DLC1: variants seen among roughly 807,000 people sequenced by gnomAD.
DLC1 encodes the protein rho GTPase-activating protein 7.
In DLC1, 54 loss-of-function variants were observed where a neutral mutation model predicts 140.3. That is an observed-to-expected ratio of 0.38 (90% CI 0.31 to 0.48). The LOEUF (loss-of-function observed/expected upper bound fraction) is 0.48, where lower values mean the gene tolerates loss of function less well. Ranked by LOEUF, DLC1 falls within the 20% of genes least tolerant of loss-of-function variation. The probability of loss-of-function intolerance (pLI) is 0.96; values close to 1 mark genes in which losing one functional copy is unlikely to be tolerated. For synonymous variants in DLC1, 986 were observed against 728.1 expected (o/e 1.35, Z -5.70); for missense variants, 2,536 against 1,907.0 (o/e 1.33, Z -6.14).
At chr8:13,524,642 T>C (rs1217499610) in intron 1 of DLC1, among the ~76,000 whole-genome samples, 1 of 152,128 alleles carries the variant, frequency 6.6e-6, no homozygotes, top group Admixed American at 6.6e-5. Context: ...CAGTTCCATC[T>C]CTTAAAGTTG....
chr8:13,461,731 C>G (rs754148925), intron 2 of DLC1, among the ~76,000 whole-genome samples: 1 of 152,182 alleles, frequency 6.6e-6, no homozygotes, highest in Non-Finnish European at 1.5e-5. Context: ...GGATAGGGAA[C>G]AGATTCAATG....
intron 1 of DLC1, among the ~76,000 whole-genome samples, chr8:13,576,000 T>G (rs1422329429): frequency 6.6e-6 from 1 of 152,152 alleles, no homozygotes; most frequent in African/African-American, 2.4e-5. Flanking sequence ...TTGGCAGAAC[T>G]AGAGGGCTAG....
chr8:13,510,082 A>G (rs1363238695), intron 1 of DLC1, among the ~76,000 whole-genome samples: 1 of 152,072 alleles, frequency 6.6e-6, no homozygotes, highest in Non-Finnish European at 1.5e-5. Flanking sequence ...GCTGAGTATG[A>G]GCTGAAACTA....
intron 4 of DLC1, among the ~76,000 whole-genome samples, chr8:13,368,524 A>ATT (rs796533088): frequency 2.6e-4 from 38 of 144,676 alleles, no homozygotes; most frequent in African/African-American, 8.3e-4. Context: ...AGGCAGTTAA[A>ATT]TTTTTTTTTT....
At chr8:13,410,094 A>C (rs926208100) in intron 2 of DLC1, among the ~76,000 whole-genome samples, 1 of 152,162 alleles carries the variant, frequency 6.6e-6, no homozygotes, top group African/African-American at 2.4e-5. Flanking sequence ...TTAAGAAAAA[A>C]ATACGACAAG....
intron 5 of DLC1, among the ~76,000 whole-genome samples, chr8:13,131,768 G>T (rs1272662176): frequency 1.3e-5 from 2 of 152,152 alleles, no homozygotes; most frequent in African/African-American, 4.8e-5. Context: ...GCAGATGAAG[G>T]AGGCACAGCG....
intron 1 of DLC1, among the ~76,000 whole-genome samples, chr8:13,594,104 T>C (rs1805608838): frequency 6.6e-6 from 1 of 151,980 alleles, no homozygotes. Flanking sequence ...GAGGCTGCAG[T>C]GAATCATGAT....
chr8:13,455,332 T>G (rs911414861), intron 2 of DLC1, among the ~76,000 whole-genome samples: 6 of 152,160 alleles, frequency 3.9e-5, no homozygotes, highest in Admixed American at 2.0e-4. Flanking sequence ...TGTGTTAGAT[T>G]GTACACTTCC....
At chr8:13,375,101 C>A (rs1172243821) in intron 4 of DLC1, among the ~76,000 whole-genome samples, 1 of 149,216 alleles carries the variant, frequency 6.7e-6, no homozygotes, top group Non-Finnish European at 1.5e-5. Context: ...AATCTTGGCT[C>A]ACTGCAAGCT....
chr8:13,574,826 G>T (rs1372150706), intron 1 of DLC1, among the ~76,000 whole-genome samples: 1 of 152,106 alleles, frequency 6.6e-6, no homozygotes, highest in Non-Finnish European at 1.5e-5. Context: ...AACTGTTTAG[G>T]AATGTCTGGG....
At chr8:13,587,659 C>T (rs896602080) in intron 1 of DLC1, among the ~76,000 whole-genome samples, 7 of 147,190 alleles carry the variant, frequency 4.8e-5, no homozygotes, top group Admixed American at 6.9e-5. Context: ...TTTATATAGG[C>T]GATGTTAACT....
intron 1 of DLC1, among the ~76,000 whole-genome samples, chr8:13,563,537 T>C (rs549421123): frequency 6.6e-6 from 1 of 152,278 alleles, no homozygotes; most frequent in South Asian, 2.1e-4. Flanking sequence ...TAACTTAGTC[T>C]CTTAGGAGAA....
intron 2 of DLC1, among the ~76,000 whole-genome samples, chr8:13,414,880 G>C (rs138454481): frequency 1.3e-5 from 2 of 151,824 alleles, no homozygotes; most frequent in Admixed American, 1.3e-4. Flanking sequence ...GCTCAATCTC[G>C]GCCCACTGCA....
chr8:13,290,712 T>C (rs3842964), intron 5 of DLC1, among the ~76,000 whole-genome samples: 1 of 151,956 alleles, frequency 6.6e-6, no homozygotes, highest in Non-Finnish European at 1.5e-5. Flanking sequence ...CCTGGAAATC[T>C]TCAAAGACAA....
chr8:13,393,129 T>G (rs1836841298), intron 4 of DLC1, among the ~76,000 whole-genome samples: 1 of 148,854 alleles, frequency 6.7e-6, no homozygotes, highest in South Asian at 2.1e-4. Context: ...TCAATCAGTC[T>G]ATCTGTCCAT....
In DLC1 at chr8:13,541,036, A is replaced by C. The variant is rs565599848; in HGVS notation, c.-125-40840T>G. Reference sequence around the variant, plus strand: ...AACCAGCTAATTCTATTTCTTCATTAGCTCTATTGAGTTATAATTTACATA... The same window carrying C: ...AACCAGCTAATTCTATTTCTTCATTCGCTCTATTGAGTTATAATTTACATA... On this transcript the variant is annotated intron_variant, in intron 1 of 1. Coordinates refer to the DLC1 transcript ENST00000631382. 2.0e-5 allele frequency among the ~76,000 whole-genome samples: 3 copies of C among 152,344 alleles called. No individual in the cohort carries two copies. In the South Asian group the frequency reaches 6.2e-4, roughly 32 times the overall value.
intron 1 of DLC1, among the ~76,000 whole-genome samples, chr8:13,588,331 G>A (rs982441952): frequency 3.5e-4 from 53 of 152,132 alleles, no homozygotes; most frequent in African/African-American, 1.3e-3. Flanking sequence ...ATCCAGGAAA[G>A]GGAGAGGTTT....
chr8:13,362,607 T>A (rs1321052441), intron 4 of DLC1, among the ~76,000 whole-genome samples: 1 of 152,084 alleles, frequency 6.6e-6, no homozygotes, highest in African/African-American at 2.4e-5. Context: ...TGTTGCCTAA[T>A]TTTTCAATGG....
At chr8:13,154,722 G>A (rs188084000) in intron 5 of DLC1, among the ~76,000 whole-genome samples, 7 of 152,296 alleles carry the variant, frequency 4.6e-5, no homozygotes, top group Non-Finnish European at 1.0e-4. Context: ...CGCCGAGAGC[G>A]AGCGAGGGCT....
Sources: allele counts gnomAD v4.1 joint callset (sites outside exome capture counted in the v4.1 genomes callset), GRCh38; gene constraint gnomAD v4.1.1; transcripts MANE v1.5; gene names NCBI Gene and HGNC (gene_info 2026-07-23, HGNC 2026-07-21).